The following LINGO2 variants were observed in gnomAD, a reference collection of about 807,000 sequenced individuals.
LINGO2 encodes leucine rich repeat and Ig domain containing 2.
In LINGO2, 14 loss-of-function variants were observed where a neutral mutation model predicts 30.6. The observed-to-expected ratio is 0.46, with a 90% CI of 0.30 to 0.72. The LOEUF is 0.72. LINGO2 is among the 30% of genes least tolerant of loss of function. The pLI is 0.07. For synonymous variants in LINGO2, 317 were observed against 288.5 expected, an observed-to-expected ratio of 1.10 and a Z score of -1.00; for missense variants, 729 against 751.7, an observed-to-expected ratio of 0.97 and a Z score of 0.35.
chr9:28,774,552 G>C, the LINGO2 span, among the ~76,000 whole-genome samples: 1 of 151,854 alleles, frequency 6.6e-6, no homozygotes, highest in African/African-American at 2.4e-5. Context: ...TGATGTCACT[G>C]ATGTGCATGA....
chr9:28,882,616 A>G, the LINGO2 span, among the ~76,000 whole-genome samples: 1 of 152,182 alleles, frequency 6.6e-6, no homozygotes, highest in Non-Finnish European at 1.5e-5. Flanking sequence ...CCTCTAAGAT[A>G]AGGGCTCTCA....
rs550910544 is a variant in LINGO2, at chr9:28,544,301, G to C, written c.-364-68276C>G. ...TCATTTTTATGGAATAGAGTTGCCA[G>C]TTCTGTAATCTGAGACTTCATAAAT... On this transcript the variant is annotated intron_variant, in intron 1 of 5. Coordinates refer to ENST00000379992, the Ensembl canonical transcript of LINGO2. Among the ~76,000 whole-genome samples, 3 of 152,156 alleles carry C rather than the reference G, an allele frequency of 2.0e-5. No individual in the cohort carries two copies. The South Asian group carries it at 6.2e-4, about 32-fold the overall frequency.
At chr9:28,645,082 C>T (rs1157560642) in intron 1 of LINGO2, among the ~76,000 whole-genome samples, 2 of 152,014 alleles carry the variant, frequency 1.3e-5, no homozygotes, top group Non-Finnish European at 2.9e-5. Flanking sequence ...CTAATATTGC[C>T]AACAAAATAC....
At chr9:28,150,176 G>A (rs528589685) in intron 4 of LINGO2, among the ~76,000 whole-genome samples, 12 of 150,998 alleles carry the variant, frequency 7.9e-5, no homozygotes, top group South Asian at 2.1e-4. Context: ...AGGGAGAAGC[G>A]CCTCTGCCCA....
Position 28,003,652 on chromosome 9 carries a change from G to A in LINGO2, c.-36+8703C>T, listed in dbSNP as rs371035491. 1.4e-4 allele frequency among the ~76,000 whole-genome samples: 22 copies of A among 152,170 alleles called. No homozygotes were observed. The East Asian group carries it at 2.7e-3, about 19-fold the overall frequency. On this transcript the variant is annotated intron_variant, in intron 5 of 5. Coordinates refer to ENST00000379992, the Ensembl canonical transcript of LINGO2. ...AATTTTTCGTATTTTTAGTAGAAAC[G>A]GGGTTTCACCATGTTAGCCAGGATG...
chr9:28,699,534 TC>T, the LINGO2 span, among the ~76,000 whole-genome samples: 1 of 151,944 alleles, frequency 6.6e-6, no homozygotes. Flanking sequence ...CAATATGAAA[TC>T]AGTGCACCTT....
At chr9:28,662,577 C>A (rs1429931189) in intron 1 of LINGO2, among the ~76,000 whole-genome samples, 1 of 152,174 alleles carries the variant, frequency 6.6e-6, no homozygotes. Context: ...GCCTTTGTTG[C>A]TAAATACATG....
At chr9:28,323,626 C>A (rs773611648) in intron 3 of LINGO2, among the ~76,000 whole-genome samples, 2 of 152,104 alleles carry the variant, frequency 1.3e-5, no homozygotes, top group South Asian at 4.2e-4. Flanking sequence ...AAGAAGCAAG[C>A]CAAACAGATC....
chr9:28,848,251 C>T, the LINGO2 span, among the ~76,000 whole-genome samples: 26 of 104,436 alleles, frequency 2.5e-4, no homozygotes, highest in East Asian at 1.8e-3. Context: ...ACTATATATA[C>T]GCATATATAG....
chr9:28,637,704 G>A (rs1292838814), intron 1 of LINGO2, among the ~76,000 whole-genome samples: 1 of 152,140 alleles, frequency 6.6e-6, no homozygotes, highest in Non-Finnish European at 1.5e-5. Flanking sequence ...TTGCTTATCA[G>A]CTTAAGGAGA....
At chr9:28,519,395 A>G (rs1356911248) in intron 1 of LINGO2, among the ~76,000 whole-genome samples, 4 of 152,144 alleles carry the variant, frequency 2.6e-5, no homozygotes, top group African/African-American at 9.7e-5. Flanking sequence ...TTGTTCAGGT[A>G]AATAGTAAGA....
chr9:28,228,860 CTTA>C (rs974164052), intron 4 of LINGO2, among the ~76,000 whole-genome samples: 5 of 150,876 alleles, frequency 3.3e-5, no homozygotes, highest in African/African-American at 1.2e-4. Flanking sequence ...ATGGGAAGAC[CTTA>C]TTTTTACATA....
intron 4 of LINGO2, among the ~76,000 whole-genome samples, chr9:28,260,427 T>A (rs1334956820): frequency 6.6e-6 from 1 of 151,896 alleles, no homozygotes; most frequent in Non-Finnish European, 1.5e-5. Context: ...ACTTCAGAGA[T>A]ATCTTAGGAT....
chr9:28,992,889 C>T, the LINGO2 span, among the ~76,000 whole-genome samples: 1 of 151,826 alleles, frequency 6.6e-6, no homozygotes, highest in Non-Finnish European at 1.5e-5. Flanking sequence ...ATTTATAGCA[C>T]TAAATGCCCA....
the LINGO2 span, among the ~76,000 whole-genome samples, chr9:29,026,835 C>T: frequency 6.6e-6 from 1 of 152,130 alleles, no homozygotes; most frequent in African/African-American, 2.4e-5. Flanking sequence ...TTAACAACCT[C>T]TATGAGCTAA....
At chr9:29,199,018 T>A in the LINGO2 span, among the ~76,000 whole-genome samples, 2 of 152,142 alleles carry the variant, frequency 1.3e-5, no homozygotes, top group East Asian at 3.9e-4. Context: ...TTAATTTTAA[T>A]GGCGTAAAAC....
chr9:28,079,718 T>C (rs1825721987), intron 4 of LINGO2, among the ~76,000 whole-genome samples: 2 of 152,188 alleles, frequency 1.3e-5, no homozygotes, highest in South Asian at 4.1e-4. Flanking sequence ...ACTGATCTCA[T>C]TTATTTCCAA....
intron 3 of LINGO2, among the ~76,000 whole-genome samples, chr9:28,366,301 T>C (rs1820673596): frequency 6.6e-6 from 1 of 152,172 alleles, no homozygotes; most frequent in African/African-American, 2.4e-5. Context: ...TTGTATTTCA[T>C]CCCTCTTATG....
chr9:28,172,764 G>C (rs1828639092), intron 4 of LINGO2, among the ~76,000 whole-genome samples: 1 of 152,104 alleles, frequency 6.6e-6, no homozygotes, highest in Admixed American at 6.6e-5. Context: ...CATTCTTCTA[G>C]TTCTCTTCTC....
Sources: gnomAD v4.1 joint callset for allele counts (sites outside exome capture counted in the v4.1 genomes callset) on GRCh38, gnomAD v4.1.1 for gene constraint, MANE v1.5 for transcripts, NCBI Gene and HGNC (gene_info 2026-07-23, HGNC 2026-07-21) for gene names.